BCAT2: variants seen among roughly 807,000 people sequenced by gnomAD.
The protein encoded by BCAT2 is branched-chain-amino-acid aminotransferase, mitochondrial.
In BCAT2, 44 loss-of-function variants were observed where a neutral mutation model predicts 52.9. The observed-to-expected ratio is 0.83, with a 90% CI of 0.65 to 1.07. The LOEUF (loss-of-function observed/expected upper bound fraction) is 1.07, where lower values mean the gene tolerates loss of function less well. Among genes scored for constraint, BCAT2 ranks in the 50% least tolerant of loss-of-function variants. BCAT2 has a pLI of 0.00. For missense variants in BCAT2, 478 were observed against 521.8 expected (o/e 0.92, Z 0.82); for synonymous variants, 215 against 217.1 (o/e 0.99, Z 0.08).
Position 48,808,275 on chromosome 19 carries a change from C to T in BCAT2, c.25-1201G>A, listed in dbSNP as rs1038254920. ...TAGGACACCCACAGTATGAGAGACA[C>T]AAACACAGTGCGACAGCCAGCCTGT... On this transcript the variant is annotated intron_variant, in intron 1 of 10. Transcript: ENST00000316273. 5.1e-6 allele frequency: 5 copies of T among 984,460 alleles called. No homozygotes were observed. The African/African-American group carries it at 7.0e-5, about 14-fold the overall frequency. The allele number at this position is 984,460 out of a possible 1,614,324, so 61.0% of individuals were successfully genotyped here. A position where few individuals can be genotyped will look rare whatever the true frequency, so the allele number is the denominator to read the frequency against.
Position 48,795,484 on chromosome 19 carries a change from G to A in BCAT2, c.1141-20C>T, listed in dbSNP as rs772932131. The A allele has an allele frequency of 2.5e-6, 4 of 1,613,408 alleles. No individual in the cohort carries two copies. The highest frequency in any genetic ancestry group is 2.7e-5 in the African/African-American group (2 of 74,938). On this transcript the variant is annotated intron_variant, in intron 10 of 10. Transcript: ENST00000316273. ...TCCGTACTGCGGAACAACGGAGGCA[G>A]TGCGTGAGGTGGAAGCTGCACTACA... is the stretch of plus-strand genomic sequence containing the variant.
chr19:48,799,853 G>A lies in BCAT2; in HGVS notation c.532-15C>T. The A allele has an allele frequency of 2.6e-6, 4 of 1,566,388 alleles. No individual in the cohort carries two copies. Among genetic ancestry groups the A allele is most frequent in the African/African-American group, 2.7e-5 (2 of 73,784 alleles). The stretch of plus-strand genomic sequence containing the variant: ...CCCAGCGAGGGCTGCGACGGGCAAA[G>A]GGACAGCGTCAGGAGTCCAGGCCCC... On this transcript the variant is annotated splice_polypyrimidine_tract_variant and intron_variant, in intron 5 of 10. Transcript: ENST00000316273. This position sits in a 1 kb window ranked among gnomAD's most constrained non-coding sequence, Gnocchi z 5.5.
intron 10 of BCAT2, 146 bp from the exon 11 acceptor site, chr19:48,795,610 T>C (rs887918723): frequency 4.5e-6 from 4 of 884,206 alleles, no homozygotes; most frequent in South Asian, 3.0e-5. Flanking sequence ...GCCCCAACAA[T>C]GATGGGAACG....
rs1032149258 is a variant in BCAT2 at position 48,807,201 on chromosome 19, C to G, written c.25-127G>C. 5.1e-6 allele frequency: 4 copies of G among 782,814 alleles called. No homozygotes were observed. The highest frequency in any genetic ancestry group is 8.1e-6 in the Non-Finnish European group (4 of 492,536). The allele number at this position is 782,814 out of a possible 1,614,324, so 48.5% of individuals were successfully genotyped here. ...TGTTCTGTCCCAGTTTCAGTCCATT[C>G]TAGACGGGGCAGGTGGTCCTGAAGG... is the stretch of plus-strand genomic sequence containing the variant. On this transcript the variant is annotated intron_variant, in intron 1 of 10. Coordinates refer to ENST00000316273, the MANE Select transcript of BCAT2 (RefSeq NM_001190.4). The surrounding 1 kb of genome is among the most constrained non-coding windows in gnomAD (Gnocchi z 4.6).
intron 3 of BCAT2, 81 bp downstream of exon 3, chr19:48,806,436 G>A (rs2034781190): frequency 6.5e-7 from 1 of 1,540,260 alleles, no homozygotes; most frequent in South Asian, 1.1e-5. Context: ...AACAAACCAA[G>A]AGAGGTACAC....
intron 10 of BCAT2, 134 bp from the exon 11 acceptor site, chr19:48,795,598 G>A (rs1471894075): frequency 7.0e-6 from 7 of 993,768 alleles, no homozygotes; most frequent in South Asian, 2.9e-5. Context: ...ACTTCCCAGA[G>A]GGCCCCAACA....
rs533403177 is a variant in BCAT2 at position 48,807,079 on chromosome 19, G to A, written c.25-5C>T. 2.3e-4 allele frequency: 370 copies of A among 1,612,618 alleles called. 7 individuals carry two copies. The South Asian group carries it at 3.9e-3, about 17-fold the overall frequency. ...GAGAAGCTTTCGTGCCCAGATCTGG[G>A]TGGAGAAAGAAGTGAGAGAGGGGGT... On this transcript the variant is annotated splice_polypyrimidine_tract_variant and splice_region_variant and intron_variant, in intron 1 of 10. Coordinates refer to ENST00000316273, the MANE Select transcript of BCAT2 (RefSeq NM_001190.4). This position sits in a 1 kb window ranked among gnomAD's most constrained non-coding sequence, Gnocchi z 4.6.
intron 3 of BCAT2, among the ~76,000 whole-genome samples, chr19:48,803,942 T>G (rs2034709203): frequency 6.6e-6 from 1 of 152,218 alleles, no homozygotes; most frequent in African/African-American, 2.4e-5. Context: ...GTGGATCATC[T>G]GAGGTCGGGA....
At chr19:48,805,713 T>C (rs1307383308) in intron 3 of BCAT2, among the ~76,000 whole-genome samples, 18 of 38,390 alleles carry the variant, frequency 4.7e-4, no homozygotes, top group Middle Eastern at 0.023. Flanking sequence ...CACCATCACT[T>C]CCCCGGCTGT....
At chr19:48,797,971 A>G (rs915319335) in intron 6 of BCAT2, among the ~76,000 whole-genome samples, 3 of 151,104 alleles carry the variant, frequency 2.0e-5, no homozygotes, top group African/African-American at 7.3e-5. Context: ...GGCATGCAGC[A>G]CCATGTCCGG....
chr19:48,795,491 A>C (rs772315800), intron 10 of BCAT2, 27 bp from the exon 11 acceptor site: 3 of 1,613,056 alleles, frequency 1.9e-6, no homozygotes, highest in Non-Finnish European at 2.5e-6. Flanking sequence ...GCAGTGCGTG[A>C]GGTGGAAGCT....
chr19:48,796,313 A>G (rs754723176), intron 10 of BCAT2, 115 bp downstream of exon 10: 1 of 1,334,154 alleles, frequency 7.5e-7, no homozygotes, highest in African/African-American at 1.5e-5. Flanking sequence ...AAGAAAGGCC[A>G]TTATCTGTTC....
intron 3 of BCAT2, among the ~76,000 whole-genome samples, chr19:48,800,544 T>C (rs2034636411): frequency 6.6e-6 from 1 of 152,128 alleles, no homozygotes; most frequent in South Asian, 2.1e-4. Flanking sequence ...CCGGGCTCAG[T>C]GGCTCACTGT....
chr19:48,795,981 G>A (rs903785961), intron 10 of BCAT2: 39 of 290,364 alleles, frequency 1.3e-4, no homozygotes, highest in Non-Finnish European at 2.0e-4. Flanking sequence ...ATCTTGGGAG[G>A]CCAACCTCTG....
At chr19:48,806,091 G>A (rs2034771385) in intron 3 of BCAT2, among the ~76,000 whole-genome samples, 1 of 27,900 alleles carries the variant, frequency 3.6e-5, no homozygotes, top group East Asian at 1.2e-3. Flanking sequence ...CCCCTCTCCC[G>A]CGATCATCCT....
intron 2 of BCAT2, 141 bp downstream of exon 2, chr19:48,806,859 C>T: frequency 2.2e-6 from 3 of 1,386,030 alleles, no homozygotes; most frequent in East Asian, 2.4e-5. Context: ...CAGTTTCATC[C>T]CTTGTCTGCG....
rs146438052 is a variant in BCAT2 at position 48,796,442 on chromosome 19, G to A, written c.1126C>T (p.Leu376=). ...CTGCAGCTCACCTGGATCTCCTTCA[G>A]CTCCTTCTGGAAGCGGAGGATCAGC... The part of the protein sequence containing the change: ...PELILRFQKE[L]KEIQYGIRAH... Residue 376 remains leucine, a synonymous_variant, in exon 10 of 11, where the codon CTG becomes TTG. Coordinates refer to ENST00000316273, the MANE Select transcript of BCAT2 (RefSeq NM_001190.4). The A allele has an allele frequency of 9.9e-6, 16 of 1,614,132 alleles. No individual in the cohort carries two copies. Among genetic ancestry groups the A allele is most frequent in the Middle Eastern group, 3.3e-4 (2 of 6,062 alleles).
At chr19:48,806,205 C>T (rs1269968703) in intron 3 of BCAT2, among the ~76,000 whole-genome samples, 1 of 149,554 alleles carries the variant, frequency 6.7e-6, no homozygotes, top group South Asian at 2.2e-4. Flanking sequence ...CCAGAAGAAG[C>T]CATGCTTTCT....
At position 48,807,400 on chromosome 19, in the gene BCAT2, G is replaced by GT. The variant is rs1237908121; in HGVS notation, c.25-327dup. ...GAAAACAACCAGGGAAGGCACACAG[G>GT]TAAGTGAAGGCCTCCGGGTACCCAA... On this transcript the variant is annotated intron_variant, in intron 1 of 10. Transcript: ENST00000316273. The surrounding 1 kb of genome is among the most constrained non-coding windows in gnomAD (Gnocchi z 4.6). The GT allele has an allele frequency of 3.8e-6, 1 of 264,604 alleles. No homozygotes were observed. Among genetic ancestry groups the GT allele is most frequent in the Admixed American group, 5.1e-5 (1 of 19,790 alleles). The allele number at this position is 264,604 out of a possible 1,614,324, so 16.4% of individuals were successfully genotyped here.
Sources: allele counts gnomAD v4.1 joint callset (sites outside exome capture counted in the v4.1 genomes callset), GRCh38; gene constraint gnomAD v4.1.1; non-coding constraint Gnocchi (gnomAD v3.1); transcripts MANE v1.5; gene names NCBI Gene and HGNC (gene_info 2026-07-23, HGNC 2026-07-21).